RORA: variants seen among roughly 807,000 people sequenced by gnomAD.
RORA encodes the protein RAR related orphan receptor A.
A neutral mutation model predicts 69.5 loss-of-function variants in RORA; 7 were observed. The observed-to-expected ratio is 0.10, with a 90% CI of 0.06 to 0.19. RORA has a LOEUF of 0.19. RORA is among the 10% of genes least tolerant of loss of function. The probability of loss-of-function intolerance (pLI) is 1.00; values close to 1 mark genes in which losing one functional copy is unlikely to be tolerated. For synonymous variants in RORA, 261 were observed against 240.8 expected (o/e 1.08, Z -0.78); for missense variants, 457 against 663.0 (o/e 0.69, Z 3.41).
chr15:60,524,105 C>T (rs974180039), intron 3 of RORA, among the ~76,000 whole-genome samples: 1 of 152,136 alleles, frequency 6.6e-6, no homozygotes, highest in South Asian at 2.1e-4. Flanking sequence ...TGCCTCCTCC[C>T]CACCCATATT....
chr15:61,042,119 CA>C (rs1213236684), intron 1 of RORA, among the ~76,000 whole-genome samples: 2 of 152,174 alleles, frequency 1.3e-5, no homozygotes, highest in African/African-American at 4.8e-5. Flanking sequence ...TTCCGGAATA[CA>C]ACTTTGATTT....
chr15:60,681,452 G>A (rs1416095830), intron 1 of RORA: 1 of 152,214 alleles, frequency 6.6e-6, no homozygotes, highest in Non-Finnish European at 1.5e-5. Context: ...CTCATCCTGA[G>A]TTTGGGTGAA....
chr15:60,632,992 C>T (rs2069770232), intron 2 of RORA, among the ~76,000 whole-genome samples: 1 of 152,140 alleles, frequency 6.6e-6, no homozygotes, highest in Non-Finnish European at 1.5e-5. Flanking sequence ...CTTCAATTAC[C>T]ATTAATTCAT....
chr15:60,599,254 A>G (rs1380125173), intron 2 of RORA, among the ~76,000 whole-genome samples: 1 of 152,246 alleles, frequency 6.6e-6, no homozygotes, highest in Non-Finnish European at 1.5e-5. Context: ...GATAGAACAC[A>G]GTTGTAAAAG....
At chr15:60,881,731 G>C (rs1021953020) in intron 1 of RORA, among the ~76,000 whole-genome samples, 1 of 152,136 alleles carries the variant, frequency 6.6e-6, no homozygotes, top group African/African-American at 2.4e-5. Context: ...TTGAAGCAGA[G>C]AGACCACTCA....
At chr15:61,190,043 A>G (rs945575142) in intron 1 of RORA, among the ~76,000 whole-genome samples, 2 of 152,072 alleles carry the variant, frequency 1.3e-5, no homozygotes, top group Non-Finnish European at 2.9e-5. Flanking sequence ...AATGAGATTT[A>G]TATCTATTGG....
intron 1 of RORA, among the ~76,000 whole-genome samples, chr15:61,112,174 T>C (rs990205339): frequency 7.9e-5 from 12 of 152,172 alleles, no homozygotes; most frequent in African/African-American, 2.9e-4. Context: ...CTTGCCCATA[T>C]ATGTGATTGT....
intron 1 of RORA, among the ~76,000 whole-genome samples, chr15:61,021,211 G>A (rs549457078): frequency 1.3e-5 from 2 of 152,286 alleles, no homozygotes; most frequent in South Asian, 4.1e-4. Flanking sequence ...GCCATAAATG[G>A]GTCACATGGC....
intron 1 of RORA, among the ~76,000 whole-genome samples, chr15:60,994,458 C>A (rs12591914): frequency 0.24 from 35,776 of 152,010 alleles, 4,651 homozygotes; most frequent in East Asian, 0.4. Flanking sequence ...TATTCAAAAC[C>A]CCTCCCTTCT....
intron 1 of RORA, among the ~76,000 whole-genome samples, chr15:60,995,228 G>A (rs1010476680): frequency 6.6e-6 from 1 of 152,148 alleles, no homozygotes; most frequent in Non-Finnish European, 1.5e-5. Flanking sequence ...AGCTGAGCCA[G>A]TGCAGCTGGC....
chr15:60,884,772 C>T (rs1050779656), intron 1 of RORA, among the ~76,000 whole-genome samples: 1 of 152,146 alleles, frequency 6.6e-6, no homozygotes, highest in Admixed American at 6.5e-5. Context: ...TATGTCTTTA[C>T]CAAGAGAAAA....
At chr15:60,842,088 C>A (rs1011459508) in intron 1 of RORA, among the ~76,000 whole-genome samples, 3 of 151,932 alleles carry the variant, frequency 2.0e-5, no homozygotes, top group African/African-American at 7.3e-5. Context: ...CTGACCCATC[C>A]CTTGCTCCTC....
chr15:60,666,126 G>A (rs1195564446), intron 2 of RORA, among the ~76,000 whole-genome samples: 1 of 151,380 alleles, frequency 6.6e-6, no homozygotes, highest in East Asian at 1.9e-4. Flanking sequence ...GCACATAGTA[G>A]ATACTGATCA....
At chr15:60,558,067 G>C (rs2067419200) in intron 2 of RORA, 1 of 442,786 alleles carries the variant, frequency 2.3e-6, no homozygotes, top group Middle Eastern at 5.6e-4. Flanking sequence ...AATGACGAAA[G>C]AGAGAATTAA....
chr15:60,688,478 A>C (rs1455720653), intron 1 of RORA, among the ~76,000 whole-genome samples: 1 of 152,200 alleles, frequency 6.6e-6, no homozygotes, highest in Non-Finnish European at 1.5e-5. Context: ...GAAATAAAGC[A>C]AGGCAATGTT....
intron 1 of RORA, among the ~76,000 whole-genome samples, chr15:60,855,130 G>A (rs10519084): frequency 0.26 from 39,947 of 152,074 alleles, 5,469 homozygotes; most frequent in Non-Finnish European, 0.29. Context: ...TTATTAGCCC[G>A]CATATAACTT....
chr15:60,801,615 T>C (rs921357593), intron 1 of RORA, among the ~76,000 whole-genome samples: 3 of 152,210 alleles, frequency 2.0e-5, no homozygotes, highest in Non-Finnish European at 4.4e-5. Flanking sequence ...ATGCATAATG[T>C]TATAAAGACA....
chr15:60,741,770 A>G (rs1486204788), intron 1 of RORA, among the ~76,000 whole-genome samples: 1 of 152,054 alleles, frequency 6.6e-6, no homozygotes, highest in Non-Finnish European at 1.5e-5. Flanking sequence ...GTCTCAGGGA[A>G]CTTCTCACTG....
intron 1 of RORA, among the ~76,000 whole-genome samples, chr15:60,865,479 C>CT (rs1340058656): frequency 6.6e-6 from 1 of 152,186 alleles, no homozygotes; most frequent in Non-Finnish European, 1.5e-5. Flanking sequence ...ATGAGACTCA[C>CT]TTTAAGCATT....
Sources: gnomAD v4.1 joint callset for allele counts (sites outside exome capture counted in the v4.1 genomes callset) on GRCh38, gnomAD v4.1.1 for gene constraint, MANE v1.5 for transcripts, NCBI Gene and HGNC (gene_info 2026-07-23, HGNC 2026-07-21) for gene names.